Variants in STAU2 observed in about 807,000 individuals in gnomAD.
The protein encoded by STAU2 is staufen double-stranded RNA binding protein 2.
In STAU2, 20 loss-of-function variants were observed where a neutral mutation model predicts 65.9. The ratio of observed to expected loss-of-function variants is 0.30; its 90% CI spans 0.21 to 0.44. The LOEUF is 0.44. Among genes scored for constraint, STAU2 ranks in the 20% least tolerant of loss-of-function variants. The pLI, the probability that STAU2 is intolerant of heterozygous loss-of-function variation, is 1.00. For missense variants in STAU2, 558 were observed against 683.9 expected, an observed-to-expected ratio of 0.82 and a Z score of 2.05; for synonymous variants, 232 against 233.9, an observed-to-expected ratio of 0.99 and a Z score of 0.07.
At chr8:73,559,555 T>C (rs1018169750) in intron 12 of STAU2, among the ~76,000 whole-genome samples, 3 of 152,230 alleles carry the variant, frequency 2.0e-5, no homozygotes, top group Non-Finnish European at 4.4e-5. Flanking sequence ...AGCCGGGACC[T>C]TGTTCTCTCC....
At chr8:73,611,901 C>T (rs1010089465) in intron 9 of STAU2, among the ~76,000 whole-genome samples, 2 of 152,092 alleles carry the variant, frequency 1.3e-5, no homozygotes, top group Admixed American at 1.3e-4. Context: ...ATGCTGGTCT[C>T]GAACTCCTAG....
At chr8:73,727,712 A>G (rs929647583) in intron 3 of STAU2, 8 of 152,178 alleles carry the variant, frequency 5.3e-5, no homozygotes, top group Admixed American at 2.6e-4. Flanking sequence ...CCTGCTTTCA[A>G]TTCTTCAGGG....
intron 6 of STAU2, 182 bp downstream of exon 6, chr8:73,672,914 AACTAGTTCCTG>A: frequency 2.2e-6 from 1 of 448,446 alleles, no homozygotes; most frequent in Non-Finnish European, 3.6e-6. Context: ...AAAAAAAAAA[AACTAGTTCCTG>A]AAAACTGGGT....
intron 13 of STAU2, chr8:73,551,102 C>T: frequency 1.0e-6 from 1 of 987,408 alleles, no homozygotes; most frequent in Non-Finnish European, 1.2e-6. Flanking sequence ...CTAGTTCATC[C>T]AGTCAAGTTA....
At chr8:73,690,880 CT>C (rs1008490225) in intron 4 of STAU2, among the ~76,000 whole-genome samples, 6 of 152,086 alleles carry the variant, frequency 3.9e-5, no homozygotes, top group Non-Finnish European at 5.9e-5. Flanking sequence ...TAAAATGTAT[CT>C]TTAATACTCT....
intron 6 of STAU2, chr8:73,652,903 T>C (rs1220773803): frequency 6.6e-6 from 1 of 151,982 alleles, no homozygotes; most frequent in Non-Finnish European, 1.5e-5. Context: ...TAGCAAAATT[T>C]ATGACAGAAA....
chr8:73,577,224 C>A (rs912253852), intron 12 of STAU2, among the ~76,000 whole-genome samples: 1 of 151,884 alleles, frequency 6.6e-6, no homozygotes, highest in Admixed American at 6.6e-5. Context: ...GTCAGGAGAT[C>A]GAGACCATCC....
intron 13 of STAU2, chr8:73,549,713 G>A (rs1807184046): frequency 1.2e-5 from 12 of 985,386 alleles, no homozygotes; most frequent in Non-Finnish European, 1.4e-5. Flanking sequence ...GCCAAAGAAG[G>A]GTTTACACAA....
At chr8:73,441,085 C>A (rs1455788048) in intron 13 of STAU2, 1 of 152,338 alleles carries the variant, frequency 6.6e-6, no homozygotes. Flanking sequence ...CTTGTGACCC[C>A]TGGATCTAAA....
At chr8:73,726,120 T>C (rs932501712) in intron 3 of STAU2, among the ~76,000 whole-genome samples, 18 of 152,242 alleles carry the variant, frequency 1.2e-4, no homozygotes, top group African/African-American at 2.6e-4. Context: ...TATTTCTTAA[T>C]GTCATTCGCA....
At chr8:73,491,387 A>C (rs748073078) in intron 13 of STAU2, among the ~76,000 whole-genome samples, 10 of 151,998 alleles carry the variant, frequency 6.6e-5, no homozygotes, top group Non-Finnish European at 1.5e-4. Flanking sequence ...TCAGCCATGA[A>C]TCAGACTTGT....
At chr8:73,613,503 A>G (rs1812619784) in intron 9 of STAU2, among the ~76,000 whole-genome samples, 1 of 152,212 alleles carries the variant, frequency 6.6e-6, no homozygotes, top group Admixed American at 6.5e-5. Context: ...CACTTTTTAA[A>G]CAACAAAGAA....
chr8:73,472,493 A>T (rs1444939613), intron 13 of STAU2, among the ~76,000 whole-genome samples: 1 of 152,226 alleles, frequency 6.6e-6, no homozygotes, highest in Non-Finnish European at 1.5e-5. Flanking sequence ...AGTGTGCACT[A>T]TTAGAAAACC....
intron 13 of STAU2, chr8:73,551,786 G>A: frequency 8.3e-7 from 1 of 1,199,776 alleles, no homozygotes; most frequent in Non-Finnish European, 1.0e-6. Context: ...GAAGGAAAAT[G>A]GAGAAGAGAC....
At chr8:73,691,925 G>A (rs1178066594) in intron 4 of STAU2, among the ~76,000 whole-genome samples, 1 of 152,178 alleles carries the variant, frequency 6.6e-6, no homozygotes, top group Non-Finnish European at 1.5e-5. Flanking sequence ...TAGAGAGCTA[G>A]TCTGAGGGCC....
Position 73,524,542 on chromosome 8 carries a change from C to G in STAU2, c.1530+27470G>C, listed in dbSNP as rs1241889322. On this transcript the variant is annotated intron_variant, in intron 13 of 14. Transcript: ENST00000524300. ...CACCAGGTAATGTATTCAATTTCCACTTCACTAAGTTCCTAGAGTTACATT... is the reference window on the plus strand; with the variant it reads ...CACCAGGTAATGTATTCAATTTCCAGTTCACTAAGTTCCTAGAGTTACATT... Among the ~76,000 whole-genome samples, 5 of 152,138 alleles carry G rather than the reference C, an allele frequency of 3.3e-5. No homozygotes were observed. The East Asian group carries it at 9.7e-4, about 29-fold the overall frequency.
intron 5 of STAU2, among the ~76,000 whole-genome samples, chr8:73,681,372 CATTA>C (rs1001419251): frequency 1.3e-5 from 2 of 152,164 alleles, no homozygotes; most frequent in Non-Finnish European, 2.9e-5. Context: ...AACTAAGCTT[CATTA>C]ATGACGGAAA....
At chr8:73,557,468 A>C (rs1807875642) in intron 12 of STAU2, among the ~76,000 whole-genome samples, 1 of 152,222 alleles carries the variant, frequency 6.6e-6, no homozygotes, top group Non-Finnish European at 1.5e-5. Flanking sequence ...AGTAGAATCA[A>C]AGAGTAATTT....
chr8:73,702,567 A>G (rs1166707644), intron 4 of STAU2, among the ~76,000 whole-genome samples: 2 of 152,164 alleles, frequency 1.3e-5, no homozygotes, highest in Non-Finnish European at 2.9e-5. Context: ...ACCCACAAAA[A>G]TTAAAAATAA....
Sources: allele counts gnomAD v4.1 joint callset (sites outside exome capture counted in the v4.1 genomes callset), GRCh38; gene constraint gnomAD v4.1.1; transcripts MANE v1.5; gene names NCBI Gene and HGNC (gene_info 2026-07-23, HGNC 2026-07-21).